Variants in MFN2 observed in about 807,000 individuals in gnomAD.
MFN2 encodes the protein mitofusin-2.
Under a neutral mutation model 87.5 loss-of-function variants are expected in MFN2, and 43 were observed. The ratio of observed to expected loss-of-function variants is 0.49; its 90% CI spans 0.38 to 0.63. The LOEUF (loss-of-function observed/expected upper bound fraction) is 0.63. Ranked by LOEUF, MFN2 falls within the 30% of genes least tolerant of loss-of-function variation. MFN2 has a pLI of 0.00. For missense variants in MFN2, 743 were observed against 972.8 expected, an observed-to-expected ratio of 0.76 and a Z score of 3.14; for synonymous variants, 337 against 359.9, an observed-to-expected ratio of 0.94 and a Z score of 0.72.
At chr1:11,998,096 C>A (rs564610830) in intron 6 of MFN2, among the ~76,000 whole-genome samples, 58 of 150,842 alleles carry the variant, frequency 3.8e-4, no homozygotes, top group South Asian at 3.4e-3. Flanking sequence ...GTTGGCCAGG[C>A]TGGTCTTGAA....
chr1:11,991,190 A>G (rs1638657833), intron 3 of MFN2, among the ~76,000 whole-genome samples: 1 of 152,220 alleles, frequency 6.6e-6, no homozygotes, highest in Non-Finnish European at 1.5e-5. Context: ...GCAGTGATCC[A>G]AAGGTCTGCT....
Position 12,012,278 on chromosome 1 carries a change from CAAG to C in MFN2, c.*714_*716del, listed in dbSNP as rs1250075163. On this transcript the variant is annotated 3_prime_UTR_variant, in exon 19 of 19. Coordinates refer to ENST00000235329, the MANE Select transcript of MFN2 (RefSeq NM_014874.4). ...GCAGAGCAGGTGGCAGTCACTGGGA[CAAG>C]GAGGGACTTGCCTCTCTTCTCATTA... 1 of 155,190 alleles carries C rather than the reference CAAG, an allele frequency of 6.4e-6. No homozygotes were observed. Among genetic ancestry groups the C allele is most frequent in the East Asian group, 1.9e-4 (1 of 5,242 alleles). The allele number at this position is 155,190 out of a possible 1,614,324, so 9.6% of individuals were successfully genotyped here. A position where few individuals can be genotyped will look rare whatever the true frequency, so the allele number is the denominator to read the frequency against.
chr1:12,002,130 G>T (rs1210360393), intron 11 of MFN2, 27 bp downstream of exon 11: 1 of 1,613,996 alleles, frequency 6.2e-7, no homozygotes, highest in East Asian at 2.2e-5. Context: ...GCAGATAGGT[G>T]GAGAGAGCTG....
chr1:12,006,158 C>T (rs1013039608), intron 15 of MFN2, among the ~76,000 whole-genome samples: 106 of 95,716 alleles, frequency 1.1e-3, no homozygotes, highest in Non-Finnish European at 2.2e-3. Flanking sequence ...CTCTAATACA[C>T]ATTAAAGTAA....
chr1:11,995,395 G>A (rs371840045), intron 4 of MFN2, among the ~76,000 whole-genome samples: 5 of 152,214 alleles, frequency 3.3e-5, no homozygotes, highest in Non-Finnish European at 7.3e-5. Flanking sequence ...CACTTTGGGA[G>A]GTTGAAGCAG....
chr1:11,993,386 A>G (rs991435070), intron 4 of MFN2, among the ~76,000 whole-genome samples: 1 of 152,170 alleles, frequency 6.6e-6, no homozygotes, highest in African/African-American at 2.4e-5. Context: ...CCTGTTAACT[A>G]TTTTTACAGT....
rs922058129 is a variant in MFN2, at chr1:11,992,569, G to A, written c.190G>A (p.Ala64Thr). 5 of 1,614,214 alleles carry A rather than the reference G, an allele frequency of 3.1e-6. No individual in the cohort carries two copies. Among genetic ancestry groups the A allele is most frequent in the Admixed American group, 3.3e-5 (2 of 60,026 alleles). Residue 64 changes from alanine to threonine, a missense_variant, in exon 4 of 19, where the codon GCA (alanine) becomes ACA (threonine). By Grantham distance (58) the Ala-to-Thr change is moderately conservative. Around this residue, in one of 3 missense-constraint regions of MFN2, gnomAD observed 141 missense variants for 278.9 expected, o/e 0.51. Transcript: ENST00000235329. ...CCCACCTCCAGACACGTACAGGAATGCAGAACTGGACCCCGTTACCACAGA... is the reference window on the plus strand; with the variant it reads ...CCCACCTCCAGACACGTACAGGAATACAGAACTGGACCCCGTTACCACAGA... ...ATFLEDTYRNAELDPVTTEEQ... is the reference protein window; with the variant it reads ...ATFLEDTYRNTELDPVTTEEQ...
chr1:12,002,477 T>G (rs555580750), intron 11 of MFN2, among the ~76,000 whole-genome samples: 1 of 152,340 alleles, frequency 6.6e-6, no homozygotes. Flanking sequence ...GAGGACTGCT[T>G]GAGGCCAGGA....
intron 6 of MFN2, among the ~76,000 whole-genome samples, chr1:11,998,107 C>T (rs1331162893): frequency 6.6e-6 from 1 of 150,924 alleles, no homozygotes; most frequent in East Asian, 2.0e-4. Flanking sequence ...TGGTCTTGAA[C>T]TGCTGACCTC....
chr1:12,005,591 C>T (rs1639370788), intron 14 of MFN2, 120 bp from the exon 15 acceptor site: 1 of 1,069,394 alleles, frequency 9.4e-7, no homozygotes, highest in African/African-American at 1.5e-5. Context: ...GGGTGTGGTT[C>T]CCAGGCAAAG....
chr1:12,006,217 C>T (rs906410555), intron 15 of MFN2, among the ~76,000 whole-genome samples: 2 of 152,300 alleles, frequency 1.3e-5, no homozygotes, highest in Middle Eastern at 3.4e-3. Flanking sequence ...CACCTACATA[C>T]GACTATTTTA....
chr1:12,003,843 G>A lies in MFN2; in HGVS notation c.1161-149G>A. On this transcript the variant is annotated intron_variant, in intron 11 of 18. Transcript: ENST00000235329. This position sits in a 1 kb window ranked among gnomAD's most constrained non-coding sequence, Gnocchi z 4.1. Reference sequence around the variant, plus strand: ...GGCTGCAGGGTCCTCTTCTTACCTGGGAAGGGGAAGGCCATGCCCCTGGGT... The same window carrying A: ...GGCTGCAGGGTCCTCTTCTTACCTGAGAAGGGGAAGGCCATGCCCCTGGGT... 5 of 998,032 alleles carry A rather than the reference G, an allele frequency of 5.0e-6. No individual in the cohort carries two copies. The highest frequency in any genetic ancestry group is 1.6e-5 in the African/African-American group (1 of 63,170). 61.8% of individuals were successfully genotyped at this position (998,032 alleles called of 1,614,324 possible).
At chr1:11,985,783 A>T (rs115196921) in intron 2 of MFN2, among the ~76,000 whole-genome samples, 2 of 151,926 alleles carry the variant, frequency 1.3e-5, no homozygotes, top group African/African-American at 2.4e-5. Context: ...TCCCTTTTCT[A>T]TTCCTTTTGG....
At chr1:11,989,030 T>A in intron 2 of MFN2, 135 bp from the exon 3 acceptor site, 1 of 985,162 alleles carries the variant, frequency 1.0e-6, no homozygotes, top group Non-Finnish European at 1.6e-6. Flanking sequence ...TCACCGTCCT[T>A]TGTTCTAGTC....
chr1:12,002,122 A>G lies in MFN2; in HGVS notation c.1160+19A>G, dbSNP rs371139883. On this transcript the variant is annotated intron_variant, in intron 11 of 18. Transcript: ENST00000235329. ...AGCAGCAGTAAGAGTCCAAGACTGC[A>G]GATAGGTGGAGAGAGCTGCCGAGAC... The G allele has an allele frequency of 6.8e-6, 11 of 1,613,984 alleles. No homozygotes were observed. The African/African-American group carries it at 1.5e-4, about 22-fold the overall frequency.
intron 4 of MFN2, among the ~76,000 whole-genome samples, 170 bp downstream of exon 4, chr1:11,992,860 A>T (rs1383152194): frequency 6.6e-6 from 1 of 151,544 alleles, no homozygotes; most frequent in Non-Finnish European, 1.5e-5. Flanking sequence ...GTTCTCTGTC[A>T]CCCAGGCTGG....
Position 12,013,211 on chromosome 1 carries a change from T to C in MFN2, c.*1646T>C. ...CTCTTTTTGAAAAAAAAAAATTCTT[T>C]AGCGTAAACATGAATTTTTTTTCAA... On this transcript the variant is annotated 3_prime_UTR_variant, in exon 19 of 19. Coordinates refer to ENST00000235329, the MANE Select transcript of MFN2 (RefSeq NM_014874.4). 2.9e-6 allele frequency: 1 copy of C among 343,640 alleles called. No individual in the cohort carries two copies. 21.3% of individuals were successfully genotyped at this position (343,640 alleles called of 1,614,324 possible).
rs765884229 is a variant in MFN2 at position 12,001,592 on chromosome 1, T to G, written c.970+38T>G. ...ACAGATGTCCTCCTTTTCTCTGATG[T>G]TTGAGACATTTTGTCTCGTGCTGAG... On this transcript the variant is annotated intron_variant, in intron 9 of 18. Coordinates refer to ENST00000235329, the MANE Select transcript of MFN2 (RefSeq NM_014874.4). The G allele has an allele frequency of 2.5e-6, 4 of 1,613,916 alleles. No individual in the cohort carries two copies. In the South Asian group the frequency reaches 4.4e-5, roughly 18 times the overall value.
chr1:12,008,391 C>T (rs1241446148), intron 17 of MFN2, among the ~76,000 whole-genome samples: 1 of 146,500 alleles, frequency 6.8e-6, no homozygotes, highest in African/African-American at 2.5e-5. Context: ...CCACCTCCCT[C>T]CCGGACGGGG....
Sources: allele counts gnomAD v4.1 joint callset (sites outside exome capture counted in the v4.1 genomes callset), GRCh38; gene constraint gnomAD v4.1.1; regional missense constraint gnomAD v4.1.1; non-coding constraint Gnocchi (gnomAD v3.1); transcripts MANE v1.5; gene names NCBI Gene and HGNC (gene_info 2026-07-23, HGNC 2026-07-21).